STK32B: variants seen among roughly 807,000 people sequenced by gnomAD.
The protein encoded by STK32B is serine/threonine-protein kinase 32B.
A neutral mutation model predicts 52.6 loss-of-function variants in STK32B; 43 were observed. The observed-to-expected ratio is 0.82, with a 90% confidence interval of 0.64 to 1.05. The LOEUF (loss-of-function observed/expected upper bound fraction) is 1.05, where lower values mean the gene tolerates loss of function less well. STK32B is among the 50% of genes least tolerant of loss of function. The probability of loss-of-function intolerance (pLI) is 0.00; values close to 1 mark genes in which losing one functional copy is unlikely to be tolerated. For synonymous variants in STK32B, 238 were observed against 204.3 expected (o/e 1.17, Z -1.41); for missense variants, 621 against 534.6 (o/e 1.16, Z -1.59).
chr4:5,157,923 G>T (rs1221863980), intron 2 of STK32B, among the ~76,000 whole-genome samples: 2 of 152,128 alleles, frequency 1.3e-5, no homozygotes, highest in Non-Finnish European at 2.9e-5. Context: ...AGCCTTCATT[G>T]TTCATGCAGA....
rs1219913536 is a variant in STK32B, at chr4:5,498,988, G to A, written c.1150G>A (p.Asp384Asn). ...QGQGSQLLDT[D>N]SRGGGQAQSK... ...ACAGGGCAGCCAGCTCTTGGACACC[G>A]ACAGCCGAGGGGGAGGCCAGGCCCA... The change falls in exon 12 of 12, where the codon GAC (aspartate) becomes AAC (asparagine). Residue 384 changes from aspartate (D) to asparagine (N), a missense_variant. Asp to Asn is a conservative substitution (Grantham distance 23, BLOSUM62 1). Coordinates refer to ENST00000282908, the MANE Select transcript of STK32B (RefSeq NM_018401.3). 31 of 1,613,706 alleles carry A rather than the reference G, an allele frequency of 1.9e-5. No individual in the cohort carries two copies. The highest frequency in any genetic ancestry group is 5.0e-5 in the Admixed American group (3 of 59,974).
At chr4:5,429,455 A>G (rs1007036064) in intron 6 of STK32B, among the ~76,000 whole-genome samples, 1 of 152,070 alleles carries the variant, frequency 6.6e-6, no homozygotes. Flanking sequence ...TCTTTAAAAA[A>G]CAATATACAT....
At chr4:5,202,920 T>C (rs1210008122) in intron 3 of STK32B, among the ~76,000 whole-genome samples, 3 of 152,218 alleles carry the variant, frequency 2.0e-5, no homozygotes, top group Non-Finnish European at 4.4e-5. Flanking sequence ...TTTATTAATA[T>C]TAACCTCAGC....
At chr4:5,409,257 G>A (rs1163345011) in intron 5 of STK32B, among the ~76,000 whole-genome samples, 1 of 152,144 alleles carries the variant, frequency 6.6e-6, no homozygotes, top group Admixed American at 6.5e-5. Context: ...TGTGATACAG[G>A]AGGTAGCAAA....
intron 3 of STK32B, among the ~76,000 whole-genome samples, chr4:5,187,467 A>G (rs1462146922): frequency 6.6e-6 from 1 of 152,212 alleles, no homozygotes; most frequent in Non-Finnish European, 1.5e-5. Context: ...TTACAGCTGG[A>G]AAAGCTGAAG....
chr4:5,414,526 AC>A, intron 5 of STK32B, among the ~76,000 whole-genome samples: 1 of 152,300 alleles, frequency 6.6e-6, no homozygotes, highest in South Asian at 2.1e-4. Flanking sequence ...TCATAGATAG[AC>A]CTATGTATAC....
intron 1 of STK32B, among the ~76,000 whole-genome samples, chr4:5,096,901 T>C (rs1713434122): frequency 6.6e-6 from 1 of 152,226 alleles, no homozygotes; most frequent in Non-Finnish European, 1.5e-5. Context: ...GAGCTCCTGC[T>C]AAGTGCCAGG....
At chr4:5,207,311 C>T (rs185250542) in intron 3 of STK32B, among the ~76,000 whole-genome samples, 14 of 152,308 alleles carry the variant, frequency 9.2e-5, no homozygotes, top group Non-Finnish European at 1.6e-4. Flanking sequence ...TCAGTGGGAG[C>T]TAATTTAATC....
chr4:5,084,009 T>C (rs994982052), intron 1 of STK32B, among the ~76,000 whole-genome samples: 2 of 152,230 alleles, frequency 1.3e-5, no homozygotes, highest in Non-Finnish European at 2.9e-5. Flanking sequence ...TGTGCTGAGA[T>C]TGCAGGCGTG....
chr4:5,167,246 G>A (rs1010538074), intron 2 of STK32B, among the ~76,000 whole-genome samples: 2 of 152,144 alleles, frequency 1.3e-5, no homozygotes, highest in Non-Finnish European at 2.9e-5. Context: ...AGGCCTCATG[G>A]ATTTGAACCC....
rs535581687 is a variant in STK32B, at chr4:5,216,555, G to A, written c.260+48105G>A. 4.1e-4 allele frequency among the ~76,000 whole-genome samples: 63 copies of A among 152,296 alleles called. 2 individuals carry two copies. The highest frequency in any genetic ancestry group is 1.2e-3 in the African/African-American group (50 of 41,572). On this transcript the variant is annotated intron_variant, in intron 3 of 11. Coordinates refer to ENST00000282908, the MANE Select transcript of STK32B (RefSeq NM_018401.3). ...AAAAATAGATAGGAGGAGTTTGTAC[G>A]ACTGAAAAGAGGAGGGTGGGCAGGG... is the stretch of plus-strand genomic sequence containing the variant.
chr4:5,449,046 A>G (rs750129594), intron 7 of STK32B, among the ~76,000 whole-genome samples: 3 of 152,224 alleles, frequency 2.0e-5, no homozygotes, highest in Non-Finnish European at 4.4e-5. Flanking sequence ...AAGAGGAAAG[A>G]AAGTCATAGT....
At chr4:5,300,002 G>A (rs1254080191) in intron 3 of STK32B, among the ~76,000 whole-genome samples, 2 of 150,676 alleles carry the variant, frequency 1.3e-5, no homozygotes, top group South Asian at 4.2e-4. Context: ...GAAGCTACAG[G>A]CCGAGATCTC....
chr4:5,183,338 G>A (rs1361733501), intron 3 of STK32B, among the ~76,000 whole-genome samples: 1 of 152,052 alleles, frequency 6.6e-6, no homozygotes, highest in African/African-American at 2.4e-5. Context: ...TTAGCTGGGC[G>A]TGGTCGTGCA....
intron 3 of STK32B, among the ~76,000 whole-genome samples, chr4:5,250,924 G>T (rs1442996610): frequency 3.3e-5 from 5 of 151,986 alleles, no homozygotes; most frequent in Non-Finnish European, 7.4e-5. Flanking sequence ...CTTTTTGTTT[G>T]CTAATTTAAG....
chr4:5,443,396 C>A (rs990400149), intron 6 of STK32B, among the ~76,000 whole-genome samples: 15 of 152,176 alleles, frequency 9.9e-5, no homozygotes, highest in Admixed American at 9.8e-4. Context: ...TTGATCGCAT[C>A]GGCTCCTGAG....
chr4:5,346,298 C>A (rs1293581641), intron 4 of STK32B, among the ~76,000 whole-genome samples: 1 of 152,142 alleles, frequency 6.6e-6, no homozygotes, highest in East Asian at 1.9e-4. Context: ...GCTCATCGCT[C>A]ATTTAATAGC....
intron 4 of STK32B, among the ~76,000 whole-genome samples, chr4:5,340,839 C>T (rs1467425135): frequency 6.6e-6 from 1 of 152,042 alleles, no homozygotes; most frequent in African/African-American, 2.4e-5. Flanking sequence ...AATATAAACA[C>T]CCACACATAT....
chr4:5,145,654 G>GT (rs1482670314), intron 2 of STK32B, among the ~76,000 whole-genome samples: 1 of 152,110 alleles, frequency 6.6e-6, no homozygotes, highest in African/African-American at 2.4e-5. Context: ...TCAGCATAAT[G>GT]TTTTTGAGAT....
Sources: allele counts gnomAD v4.1 joint callset (sites outside exome capture counted in the v4.1 genomes callset), GRCh38; gene constraint gnomAD v4.1.1; transcripts MANE v1.5; gene names NCBI Gene and HGNC (gene_info 2026-07-23, HGNC 2026-07-21).